The following COMP variants were observed in gnomAD, a reference collection of about 807,000 sequenced individuals.
COMP encodes the protein cartilage oligomeric matrix protein (pseudoachondroplasia, epiphyseal dysplasia 1, multiple).
Under a neutral mutation model 95.8 loss-of-function variants are expected in COMP, and 79 were observed. The observed-to-expected ratio is 0.82, with a 90% CI of 0.69 to 0.99. COMP has a LOEUF of 0.99. COMP is among the 50% of genes least tolerant of loss of function. The pLI, the probability that COMP is intolerant of heterozygous loss-of-function variation, is 0.00. For synonymous variants in COMP, 438 were observed against 433.9 expected, an observed-to-expected ratio of 1.01 and a Z score of -0.12; for missense variants, 906 against 1,076.1, an observed-to-expected ratio of 0.84 and a Z score of 2.21.
chr19:18,784,140 CTGGG>C lies in COMP; in HGVS notation c.2087+47_2087+50del. On this transcript the variant is annotated intron_variant, in intron 17 of 18. Transcript: ENST00000222271. This position sits in a 1 kb window ranked among gnomAD's most constrained non-coding sequence, Gnocchi z 4.9. The stretch of plus-strand genomic sequence containing the variant: ...CCCTGCCTGGCCAGGGCACTCCCAC[CTGGG>C]CCTGTGTGTCCCCAGCCCAGCCCAC... 2 of 1,606,152 alleles carry C rather than the reference CTGGG, an allele frequency of 1.2e-6. No homozygotes were observed. The highest frequency in any genetic ancestry group is 1.7e-6 in the Non-Finnish European group (2 of 1,174,714).
At position 18,789,100 on chromosome 19, in the gene COMP, TA is replaced by T; in HGVS notation, c.528+59del. The stretch of plus-strand genomic sequence containing the variant: ...GGAGGCTGGAAGAGGAGTTTACTGG[TA>T]AACAAAATGGACGCCCCCTTCCCTT... On this transcript the variant is annotated intron_variant, in intron 5 of 18. Coordinates refer to ENST00000222271, the MANE Select transcript of COMP (RefSeq NM_000095.3). The surrounding 1 kb of genome is among the most constrained non-coding windows in gnomAD (Gnocchi z 6.1). 1 of 1,565,018 alleles carries T rather than the reference TA, an allele frequency of 6.4e-7. No homozygotes were observed. Among genetic ancestry groups the T allele is most frequent in the Non-Finnish European group, 8.6e-7 (1 of 1,158,810 alleles).
chr19:18,789,131 T>C lies in COMP; in HGVS notation c.528+29A>G. ...AAATGGACGCCCCCTTCCCTTCTGCTCCAAAAATGGGGCCCCCACACCTCT... is the reference window on the plus strand; with the variant it reads ...AAATGGACGCCCCCTTCCCTTCTGCCCCAAAAATGGGGCCCCCACACCTCT... On this transcript the variant is annotated intron_variant, in intron 5 of 18. Coordinates refer to ENST00000222271, the MANE Select transcript of COMP (RefSeq NM_000095.3). The surrounding 1 kb of genome is among the most constrained non-coding windows in gnomAD (Gnocchi z 6.1). 1 of 1,580,600 alleles carries C rather than the reference T, an allele frequency of 6.3e-7. No homozygotes were observed. Among genetic ancestry groups the C allele is most frequent in the Non-Finnish European group, 8.6e-7 (1 of 1,166,804 alleles).
At position 18,790,125 on chromosome 19, in the gene COMP, G is replaced by A; in HGVS notation, c.218-11C>T. 1 of 1,522,174 alleles carries A rather than the reference G, an allele frequency of 6.6e-7. No individual in the cohort carries two copies. Among genetic ancestry groups the A allele is most frequent in the Non-Finnish European group, 8.8e-7 (1 of 1,136,336 alleles). The allele number at this position is 1,522,174 out of a possible 1,614,324, so 94.3% of individuals were successfully genotyped here. ...CTGACTGCTGCATCCCTGCGGGGGGGAGGGGGGAGAAGCGGCGGGGCTGAT... is the reference window on the plus strand; with the variant it reads ...CTGACTGCTGCATCCCTGCGGGGGGAAGGGGGGAGAAGCGGCGGGGCTGAT... On this transcript the variant is annotated splice_polypyrimidine_tract_variant and intron_variant, in intron 3 of 18. Coordinates refer to ENST00000222271, the MANE Select transcript of COMP (RefSeq NM_000095.3).
rs1332458261 is a variant in COMP at position 18,782,919 on chromosome 19, G to C, written c.2270C>G (p.Ala757Gly). 1.9e-6 allele frequency: 3 copies of C among 1,611,720 alleles called. No individual in the cohort carries two copies. The highest frequency in any genetic ancestry group is 2.5e-6 in the Non-Finnish European group (3 of 1,179,984). The stretch of plus-strand genomic sequence containing the variant: ...GGCGGGTCCTCACCCTGGTCCCTAG[G>C]CTTGCCGCAGCTGATGGGTCTCATA... ...EDYETHQLRQ[A>G] is the part of the protein sequence containing the mutation. Residue 757 changes from alanine (A) to glycine (G), a missense_variant, in exon 19 of 19, where the codon GCC (alanine) becomes GGC (glycine). Ala to Gly is a moderately conservative substitution (Grantham distance 60). Coordinates refer to ENST00000222271, the MANE Select transcript of COMP (RefSeq NM_000095.3).
chr19:18,789,102 A>T lies in COMP; in HGVS notation c.528+58T>A, dbSNP rs1258603347. On this transcript the variant is annotated intron_variant, in intron 5 of 18. Coordinates refer to ENST00000222271, the MANE Select transcript of COMP (RefSeq NM_000095.3). This position sits in a 1 kb window ranked among gnomAD's most constrained non-coding sequence, Gnocchi z 6.1. ...AGGCTGGAAGAGGAGTTTACTGGTA[A>T]ACAAAATGGACGCCCCCTTCCCTTC... 2 of 1,566,222 alleles carry T rather than the reference A, an allele frequency of 1.3e-6. No homozygotes were observed. The highest frequency in any genetic ancestry group is 1.4e-5 in the African/African-American group (1 of 73,482).
chr19:18,789,002 C>T lies in COMP; in HGVS notation c.529-89G>A, dbSNP rs1241814437. 1 of 1,551,772 alleles carries T rather than the reference C, an allele frequency of 6.4e-7. No individual in the cohort carries two copies. Among genetic ancestry groups the T allele is most frequent in the African/African-American group, 1.4e-5 (1 of 73,890 alleles). ...CACACTTCCTCCGCATCCTGCCTCT[C>T]CCCTCCATCCTGCCCCAAACCGATC... is the stretch of plus-strand genomic sequence containing the variant. On this transcript the variant is annotated intron_variant, in intron 5 of 18. Transcript: ENST00000222271. The surrounding 1 kb of genome is among the most constrained non-coding windows in gnomAD (Gnocchi z 6.1).
intron 9 of COMP, 67 bp from the exon 10 acceptor site, chr19:18,787,717 C>T: frequency 1.9e-6 from 3 of 1,598,830 alleles, no homozygotes; most frequent in South Asian, 1.1e-5. Context: ...CCTCAGATTC[C>T]CAAATCTCCG....
chr19:18,785,451 C>G (rs751920575), intron 15 of COMP, 47 bp downstream of exon 15: 10 of 1,610,622 alleles, frequency 6.2e-6, no homozygotes, highest in Non-Finnish European at 6.8e-6. Flanking sequence ...TGGCCCCTCT[C>G]CCTGAGCCCG....
In COMP at chr19:18,789,097, T is replaced by G. The variant is rs1052026982; in HGVS notation, c.528+63A>C. 35 of 1,566,244 alleles carry G rather than the reference T, an allele frequency of 2.2e-5. No individual in the cohort carries two copies. Among genetic ancestry groups the G allele is most frequent in the Non-Finnish European group, 2.8e-5 (32 of 1,159,282 alleles). On this transcript the variant is annotated intron_variant, in intron 5 of 18. Coordinates refer to ENST00000222271, the MANE Select transcript of COMP (RefSeq NM_000095.3). The surrounding 1 kb of genome is among the most constrained non-coding windows in gnomAD (Gnocchi z 6.1). ...GAAGGAGGCTGGAAGAGGAGTTTAC[T>G]GGTAAACAAAATGGACGCCCCCTTC...
Position 18,785,713 on chromosome 19 carries a change from C to A in COMP, c.1628G>T (p.Gly543Val). Residue 543 changes from glycine (G) to valine (V), a missense_variant, in exon 14 of 19, where the codon GGT becomes GTT. Coordinates refer to ENST00000222271, the MANE Select transcript of COMP (RefSeq NM_000095.3). Reference sequence around the variant, plus strand: ...CCAGTTGGGGTCAATCTGCGCGTCACCCTCCGGGTCCAGCACGACTGTCTG... The same window carrying A: ...CCAGTTGGGGTCAATCTGCGCGTCAACCTCCGGGTCCAGCACGACTGTCTG... Reference protein sequence around the residue: ...AFQTVVLDPEGDAQIDPNWVV... With the variant: ...AFQTVVLDPEVDAQIDPNWVV... The A allele has an allele frequency of 1.2e-6, 2 of 1,613,490 alleles. No individual in the cohort carries two copies. The highest frequency in any genetic ancestry group is 1.7e-6 in the Non-Finnish European group (2 of 1,180,042).
intron 1 of COMP, 37 bp downstream of exon 1, chr19:18,791,154 G>GGGC (rs1568557711): frequency 6.4e-7 from 1 of 1,557,462 alleles, no homozygotes. Flanking sequence ...GTCCGTTGTG[G>GGGC]GGCCGTGGGC....
At position 18,783,068 on chromosome 19, in the gene COMP, C is replaced by T. The variant is rs766913050; in HGVS notation, c.2213G>A (p.Arg738His). Residue 738 changes from arginine to histidine, a missense_variant, in exon 18 of 19, where the codon CGT (arginine) becomes CAT (histidine). Physicochemically the swap from Arg to His is conservative, Grantham distance 29. Transcript: ENST00000222271. ...SQENIIWANL[R>H]YRCNDTIPED... ...CCTCGGCTCACCATTGCAGCGGTAA[C>T]GCAGGTTGGCCCAGATGATGTTCTC... 211 of 1,612,180 alleles carry T rather than the reference C, an allele frequency of 1.3e-4. No individual in the cohort carries two copies. Among genetic ancestry groups the T allele is most frequent in the Admixed American group, 3.2e-4 (19 of 60,010 alleles).
rs1417572804 is a variant in COMP at position 18,785,990 on chromosome 19, A to G, written c.1464T>C (p.Pro488=). The G allele has an allele frequency of 1.9e-6, 3 of 1,610,532 alleles. No homozygotes were observed. Among genetic ancestry groups the G allele is most frequent in the Admixed American group, 3.3e-5 (2 of 59,858 alleles). ...TGTCCGCGTCCTCCTGGCCGGGGTT[A>G]GGCACCAGGCGGCAGTTGTCCCGAC... ...PDSRDNCRLV[P]NPGQEDADRD... The change falls in exon 13 of 19, where the codon CCT becomes CCC. Residue 488 remains proline (P), a synonymous_variant. Coordinates refer to ENST00000222271, the MANE Select transcript of COMP (RefSeq NM_000095.3).
chr19:18,786,630 T>C lies in COMP; in HGVS notation c.1156A>G (p.Asn386Asp), dbSNP rs61739916. The C allele has an allele frequency of 0.044, 71,729 of 1,613,698 alleles. 1,810 individuals are homozygous for C. Among genetic ancestry groups the C allele is most frequent in the Non-Finnish European group, 0.052 (60,838 of 1,179,654 alleles). The change falls in exon 11 of 19, where the codon AAC (asparagine) becomes GAC (aspartate). Residue 386 changes from asparagine to aspartate, a missense_variant. Asn to Asp is a conservative substitution (Grantham distance 23). Transcript: ENST00000222271. ...DGDRIRNQAD[N>D]CPRVPNSDQK... ...TCTGAGTTGGGTACCCTAGGGCAGTTGTCGGCCTGGTTGCGGATCCCTGCA... is the reference window on the plus strand; with the variant it reads ...TCTGAGTTGGGTACCCTAGGGCAGTCGTCGGCCTGGTTGCGGATCCCTGCA...
chr19:18,788,119 G>T lies in COMP; in HGVS notation c.975+93C>A. ...GGGTTTCACCATGATGGCCAGGATG[G>T]TCTCCATCTCTTGACCTCGTGATCC... On this transcript the variant is annotated intron_variant, in intron 9 of 18. Coordinates refer to ENST00000222271, the MANE Select transcript of COMP (RefSeq NM_000095.3). The surrounding 1 kb of genome is among the most constrained non-coding windows in gnomAD (Gnocchi z 4.7). 4.9e-6 allele frequency: 5 copies of T among 1,018,254 alleles called. No homozygotes were observed. In the South Asian group the frequency reaches 6.6e-5, roughly 13 times the overall value. The allele number at this position is 1,018,254 out of a possible 1,614,324, so 63.1% of individuals were successfully genotyped here.
In COMP at chr19:18,784,440, G is replaced by A; in HGVS notation, c.1915-77C>T. 2.6e-6 allele frequency: 4 copies of A among 1,562,832 alleles called. No individual in the cohort carries two copies. The highest frequency in any genetic ancestry group is 2.2e-5 in the South Asian group (2 of 89,258). On this transcript the variant is annotated intron_variant, in intron 16 of 18. Transcript: ENST00000222271. This position sits in a 1 kb window ranked among gnomAD's most constrained non-coding sequence, Gnocchi z 4.9. ...CCCTAGACACCTTCCTGGAGAGACAGTTGGGAGCAGCAGGTGGTGGGCGGC... is the reference window on the plus strand; with the variant it reads ...CCCTAGACACCTTCCTGGAGAGACAATTGGGAGCAGCAGGTGGTGGGCGGC...
Position 18,790,598 on chromosome 19 carries a change from A to G in COMP, c.181T>C (p.Phe61Leu). 1 of 1,613,822 alleles carries G rather than the reference A, an allele frequency of 6.2e-7. No individual in the cohort carries two copies. Among genetic ancestry groups the G allele is most frequent in the Non-Finnish European group, 8.5e-7 (1 of 1,179,872 alleles). Residue 61 changes from phenylalanine to leucine, a missense_variant, in exon 3 of 19, where the codon TTC becomes CTC. By Grantham distance (22) the Phe-to-Leu change is conservative. Coordinates refer to ENST00000222271, the MANE Select transcript of COMP (RefSeq NM_000095.3). ...LLRQQVREIT[F>L]LKNTVMECDA... Reference sequence around the variant, plus strand: ...CACTCCATCACCGTGTTTTTCAGGAACGTGATCTCCCTGACCTGCAGGGGT... The same window carrying G: ...CACTCCATCACCGTGTTTTTCAGGAGCGTGATCTCCCTGACCTGCAGGGGT...
At position 18,787,880 on chromosome 19, in the gene COMP, TTCTTTCTTTC is replaced by T. The variant is rs753559789; in HGVS notation, c.976-240_976-231del. 5.7e-4 allele frequency among the ~76,000 whole-genome samples: 50 copies of T among 87,640 alleles called. No homozygotes were observed. In the East Asian group the frequency reaches 8.1e-3, roughly 14 times the overall value. The allele number at this position is 87,640 out of a possible 152,430, so 57.5% of individuals were successfully genotyped here. ...TTTCTTTTTCTCTTTCTTTCTTTCT[TTCTTTCTTTC>T]TTTCTTTCTTTCTTTCTTTCTTTCT... On this transcript the variant is annotated intron_variant, in intron 9 of 18. Transcript: ENST00000222271.
At chr19:18,787,950 C>A (rs1028339306) in intron 9 of COMP, among the ~76,000 whole-genome samples, 3 of 144,778 alleles carry the variant, frequency 2.1e-5, no homozygotes, top group Non-Finnish European at 3.0e-5. Flanking sequence ...TGTCGCTAGG[C>A]TGGAGTGCAG....
Sources: gnomAD v4.1 joint callset for allele counts (sites outside exome capture counted in the v4.1 genomes callset) on GRCh38, gnomAD v4.1.1 for gene constraint, Gnocchi (gnomAD v3.1) non-coding constraint, MANE v1.5 for transcripts, NCBI Gene and HGNC (gene_info 2026-07-23, HGNC 2026-07-21) for gene names.